Variants in NCKAP5 observed in about 807,000 individuals in gnomAD.
NCKAP5 encodes NCK associated protein 5.
Under a neutral mutation model 167.0 loss-of-function variants are expected in NCKAP5, and 92 were observed. The observed-to-expected ratio is 0.55, with a 90% CI of 0.47 to 0.66. The LOEUF (loss-of-function observed/expected upper bound fraction) is 0.66. Ranked by LOEUF, NCKAP5 falls within the 30% of genes least tolerant of loss-of-function variation. The pLI, the probability that NCKAP5 is intolerant of heterozygous loss-of-function variation, is 0.00. For synonymous variants in NCKAP5, 891 were observed against 877.4 expected, an observed-to-expected ratio of 1.02 and a Z score of -0.27; for missense variants, 2,378 against 2,315.0, an observed-to-expected ratio of 1.03 and a Z score of -0.56.
chr2:133,152,888 G>C (rs1210457782), intron 5 of NCKAP5, among the ~76,000 whole-genome samples: 1 of 152,172 alleles, frequency 6.6e-6, no homozygotes, highest in Non-Finnish European at 1.5e-5. Flanking sequence ...TGCTATACAG[G>C]TTTGTAGCCC....
At chr2:133,264,607 A>G (rs1349057660) in intron 4 of NCKAP5, among the ~76,000 whole-genome samples, 1 of 152,248 alleles carries the variant, frequency 6.6e-6, no homozygotes, top group Non-Finnish European at 1.5e-5. Context: ...TTTCCAAAGT[A>G]ATGTCCATAG....
chr2:132,761,382 T>A (rs984279590), intron 16 of NCKAP5, among the ~76,000 whole-genome samples: 2 of 152,170 alleles, frequency 1.3e-5, no homozygotes, highest in Non-Finnish European at 2.9e-5. Flanking sequence ...CCCAGCACAC[T>A]GGGACCACTG....
At chr2:133,674,693 G>A in the NCKAP5 span, among the ~76,000 whole-genome samples, 1 of 151,906 alleles carries the variant, frequency 6.6e-6, no homozygotes, top group African/African-American at 2.4e-5. Context: ...ATACCAGACA[G>A]GGATGCTGAA....
At chr2:132,692,836 A>G (rs744820) in intron 19 of NCKAP5, among the ~76,000 whole-genome samples, 5,868 of 152,244 alleles carry the variant, frequency 0.039, 354 homozygotes, top group African/African-American at 0.13. Context: ...TCCATGATCT[A>G]TTCTTTCCAC....
At chr2:132,960,581 G>A (rs985151448) in intron 8 of NCKAP5, among the ~76,000 whole-genome samples, 76 of 152,124 alleles carry the variant, frequency 5.0e-4, no homozygotes, top group Admixed American at 1.0e-3. Flanking sequence ...GTTGGTGCGT[G>A]GAGAAGAAAG....
chr2:133,154,968 T>G (rs1405276769), intron 5 of NCKAP5, among the ~76,000 whole-genome samples: 1 of 152,224 alleles, frequency 6.6e-6, no homozygotes, highest in East Asian at 1.9e-4. Context: ...TGGGCCACTT[T>G]TCTTTCCTCT....
chr2:133,093,310 C>G lies in NCKAP5; in HGVS notation c.341+36668G>C, dbSNP rs776826028. Among the ~76,000 whole-genome samples, 38 of 152,126 alleles carry G rather than the reference C, an allele frequency of 2.5e-4. 1 individual carries two copies. The highest frequency in any genetic ancestry group is 3.1e-4 in the Non-Finnish European group (21 of 68,008). ...TCCATGTAGTGAAGATCTTATTTTT[C>G]TTGCAGATTATTCTGGAGTTTGACT... On this transcript the variant is annotated intron_variant, in intron 6 of 19. Transcript: ENST00000409261.
chr2:133,310,308 G>C (rs567457179), intron 3 of NCKAP5, among the ~76,000 whole-genome samples: 32 of 152,284 alleles, frequency 2.1e-4, no homozygotes, highest in African/African-American at 7.2e-4. Flanking sequence ...AGCTTGAACA[G>C]ATCCATCCTC....
chr2:133,095,324 A>G (rs1244962742), intron 6 of NCKAP5, among the ~76,000 whole-genome samples: 1 of 152,236 alleles, frequency 6.6e-6, no homozygotes, highest in Non-Finnish European at 1.5e-5. Context: ...ATGGCTGCCA[A>G]GAACTGCCCC....
At chr2:132,923,519 C>T (rs934555468) in intron 8 of NCKAP5, among the ~76,000 whole-genome samples, 1 of 152,152 alleles carries the variant, frequency 6.6e-6, no homozygotes, top group Non-Finnish European at 1.5e-5. Flanking sequence ...AAGTGAACAA[C>T]ATTTCTTAAT....
chr2:133,576,403 A>C, the NCKAP5 span, among the ~76,000 whole-genome samples: 1 of 152,236 alleles, frequency 6.6e-6, no homozygotes, highest in South Asian at 2.1e-4. Flanking sequence ...TGAATCTACT[A>C]ATCTTTGAAA....
intron 3 of NCKAP5, among the ~76,000 whole-genome samples, chr2:133,335,596 A>G (rs1473617428): frequency 6.6e-6 from 1 of 152,170 alleles, no homozygotes; most frequent in Non-Finnish European, 1.5e-5. Context: ...AAGAACCACA[A>G]AAAAGTTAAA....
chr2:133,346,752 T>G (rs888729264), intron 3 of NCKAP5, among the ~76,000 whole-genome samples: 2 of 152,208 alleles, frequency 1.3e-5, no homozygotes, highest in African/African-American at 4.8e-5. Context: ...GCTTCATCCA[T>G]GGATGGCGAT....
chr2:133,613,700 C>A, the NCKAP5 span, among the ~76,000 whole-genome samples: 1 of 152,132 alleles, frequency 6.6e-6, no homozygotes. Flanking sequence ...TGCCCACATG[C>A]GGACTGGTTC....
At chr2:133,401,085 G>A (rs575083514) in intron 3 of NCKAP5, among the ~76,000 whole-genome samples, 1 of 152,242 alleles carries the variant, frequency 6.6e-6, no homozygotes, top group African/African-American at 2.4e-5. Flanking sequence ...AGGTGAAAGG[G>A]GCTAGAGATT....
intron 11 of NCKAP5, among the ~76,000 whole-genome samples, chr2:132,841,637 G>GT (rs147570746): frequency 0.17 from 25,770 of 151,838 alleles, 2,624 homozygotes; most frequent in East Asian, 0.29. Context: ...CACATTTGCT[G>GT]TTTTTTTCTG....
At chr2:133,325,089 G>A (rs549695515) in intron 3 of NCKAP5, among the ~76,000 whole-genome samples, 7 of 152,256 alleles carry the variant, frequency 4.6e-5, no homozygotes, top group South Asian at 2.1e-4. Flanking sequence ...GCTAGGAGCC[G>A]TTGGATATAA....
chr2:132,924,512 T>C (rs971414), intron 8 of NCKAP5, among the ~76,000 whole-genome samples: 36,404 of 151,966 alleles, frequency 0.24, 9,235 homozygotes, highest in African/African-American at 0.61. Context: ...TTAAATGCAG[T>C]ATGTCAAATC....
the NCKAP5 span, among the ~76,000 whole-genome samples, chr2:133,659,400 A>G: frequency 6.6e-6 from 1 of 152,258 alleles, no homozygotes; most frequent in East Asian, 1.9e-4. Context: ...CAGAAGAAAC[A>G]TAAGAGTATA....
Sources: allele counts gnomAD v4.1 joint callset (sites outside exome capture counted in the v4.1 genomes callset), GRCh38; gene constraint gnomAD v4.1.1; transcripts MANE v1.5; gene names NCBI Gene and HGNC (gene_info 2026-07-23, HGNC 2026-07-21).